PCCA: variants seen among roughly 807,000 people sequenced by gnomAD.
The protein encoded by PCCA is propionyl-CoA carboxylase alpha chain, mitochondrial.
A neutral mutation model predicts 101.3 loss-of-function variants in PCCA; 74 were observed. That is an observed-to-expected ratio of 0.73 (90% CI 0.61 to 0.89). PCCA has a LOEUF of 0.89. Ranked by LOEUF, PCCA falls within the 40% of genes least tolerant of loss-of-function variation. The probability of loss-of-function intolerance (pLI) is 0.00; values close to 1 mark genes in which losing one functional copy is unlikely to be tolerated. For synonymous variants in PCCA, 294 were observed against 313.6 expected (o/e 0.94, Z 0.66); for missense variants, 891 against 907.0 (o/e 0.98, Z 0.23).
At chr13:100,099,367 G>T (rs767249487) in intron 1 of PCCA, among the ~76,000 whole-genome samples, 1 of 149,008 alleles carries the variant, frequency 6.7e-6, no homozygotes, top group Non-Finnish European at 1.5e-5. Context: ...ACCCAGACTG[G>T]AGTGCAGTGG....
chr13:100,326,919 A>T (rs1307104179), intron 16 of PCCA, among the ~76,000 whole-genome samples: 2 of 152,102 alleles, frequency 1.3e-5, no homozygotes, highest in African/African-American at 4.8e-5. Context: ...TTTTTGTAGC[A>T]TCAAAAGTTA....
Position 100,211,271 on chromosome 13 carries a change from T to C in PCCA, c.600+1808T>C, listed in dbSNP as rs1179601714. Among the ~76,000 whole-genome samples, 5 of 152,234 alleles carry C rather than the reference T, an allele frequency of 3.3e-5. No homozygotes were observed. In the East Asian group the frequency reaches 9.6e-4, roughly 29 times the overall value. Reference sequence around the variant, plus strand: ...CACTCTACAGCTAGTTGCCACCTTCTTTCTCTCTTCCCCTTTCAGTGCCAA... The same window carrying C: ...CACTCTACAGCTAGTTGCCACCTTCCTTCTCTCTTCCCCTTTCAGTGCCAA... On this transcript the variant is annotated intron_variant, in intron 7 of 23. Coordinates refer to ENST00000376285, the MANE Select transcript of PCCA (RefSeq NM_000282.4).
At chr13:100,399,126 AAAAGAGAAACTTT>A (rs1284635158) in intron 19 of PCCA, among the ~76,000 whole-genome samples, 2 of 152,140 alleles carry the variant, frequency 1.3e-5, no homozygotes, top group African/African-American at 4.8e-5. Context: ...TGTAGAGTAT[AAAAGAGAAACTTT>A]AAACTCGTAT....
At chr13:100,193,241 A>G (rs1349681533) in intron 6 of PCCA, among the ~76,000 whole-genome samples, 1 of 152,178 alleles carries the variant, frequency 6.6e-6, no homozygotes, top group African/African-American at 2.4e-5. Context: ...TAGTCTAATG[A>G]CTGTGGGTAA....
At chr13:100,351,406 A>G (rs1227981311) in intron 18 of PCCA, among the ~76,000 whole-genome samples, 1 of 152,184 alleles carries the variant, frequency 6.6e-6, no homozygotes, top group East Asian at 1.9e-4. Flanking sequence ...TTTTGAACCC[A>G]TTATTTGATT....
intron 19 of PCCA, among the ~76,000 whole-genome samples, chr13:100,392,901 C>A (rs764767852): frequency 1.3e-5 from 2 of 151,504 alleles, no homozygotes; most frequent in African/African-American, 2.4e-5. Flanking sequence ...TTGAGTGACT[C>A]ACCCAGGGAA....
At chr13:100,135,450 A>T (rs777729048) in intron 4 of PCCA, among the ~76,000 whole-genome samples, 131 of 152,208 alleles carry the variant, frequency 8.6e-4, no homozygotes, top group Middle Eastern at 3.4e-3. Flanking sequence ...TGTTTAAAAA[A>T]TTTTGGTTTC....
intron 19 of PCCA, among the ~76,000 whole-genome samples, chr13:100,379,705 C>G (rs928498430): frequency 6.6e-6 from 1 of 152,082 alleles, no homozygotes; most frequent in Non-Finnish European, 1.5e-5. Flanking sequence ...CAGGAGAGCG[C>G]TCTTGCAGGG....
chr13:100,477,202 T>C (rs1441350900), intron 21 of PCCA: 4 of 152,360 alleles, frequency 2.6e-5, no homozygotes, highest in Admixed American at 2.6e-4. Context: ...ATCTACCTCA[T>C]TGGCGACAGT....
At chr13:100,286,496 A>C (rs2064670390) in intron 12 of PCCA, among the ~76,000 whole-genome samples, 1 of 152,206 alleles carries the variant, frequency 6.6e-6, no homozygotes, top group African/African-American at 2.4e-5. Context: ...AGGGTGGAGT[A>C]GGTAACTGAA....
chr13:100,350,555 G>T (rs1309115561), intron 18 of PCCA, among the ~76,000 whole-genome samples: 1 of 152,134 alleles, frequency 6.6e-6, no homozygotes, highest in Admixed American at 6.5e-5. Flanking sequence ...GTTGAAGATG[G>T]TTTAGAAATC....
At chr13:100,458,019 A>G (rs1595985941) in intron 21 of PCCA, among the ~76,000 whole-genome samples, 1 of 152,194 alleles carries the variant, frequency 6.6e-6, no homozygotes, top group Non-Finnish European at 1.5e-5. Flanking sequence ...ATAGTCTGGG[A>G]ACATGAAGGA....
chr13:100,513,433 T>G (rs2086624420), intron 21 of PCCA, among the ~76,000 whole-genome samples: 1 of 152,128 alleles, frequency 6.6e-6, no homozygotes, highest in South Asian at 2.1e-4. Flanking sequence ...AGGCATTGAG[T>G]TTGTGATTCT....
chr13:100,301,635 T>C (rs757432972), intron 13 of PCCA, 32 bp downstream of exon 13: 4 of 1,613,396 alleles, frequency 2.5e-6, no homozygotes, highest in African/African-American at 1.3e-5. Flanking sequence ...GGAAGGATGG[T>C]GGTTATGTCC....
chr13:100,500,533 G>T (rs2085590330), intron 21 of PCCA, among the ~76,000 whole-genome samples: 1 of 152,116 alleles, frequency 6.6e-6, no homozygotes, highest in Non-Finnish European at 1.5e-5. Flanking sequence ...CAAATATTGA[G>T]CAGTTAAGGC....
intron 21 of PCCA, among the ~76,000 whole-genome samples, chr13:100,468,315 A>G (rs1457954751): frequency 6.6e-6 from 1 of 152,200 alleles, no homozygotes; most frequent in Non-Finnish European, 1.5e-5. Flanking sequence ...TTCAACTAAA[A>G]GTCAGCAGTT....
chr13:100,392,052 C>T (rs1167581945), intron 19 of PCCA, among the ~76,000 whole-genome samples: 1 of 152,108 alleles, frequency 6.6e-6, no homozygotes, highest in Non-Finnish European at 1.5e-5. Context: ...CACTTGAGTT[C>T]TCGTGTTTAT....
At chr13:100,374,094 A>G (rs968618378) in intron 19 of PCCA, among the ~76,000 whole-genome samples, 1 of 152,186 alleles carries the variant, frequency 6.6e-6, no homozygotes, top group Admixed American at 6.6e-5. Flanking sequence ...CCTGGGTGAC[A>G]GAGTGAGACT....
chr13:100,401,769 C>G (rs2152855637), intron 19 of PCCA, among the ~76,000 whole-genome samples: 1 of 152,156 alleles, frequency 6.6e-6, no homozygotes, highest in East Asian at 1.9e-4. Context: ...GAAAAAGTGC[C>G]AATCTTATTC....
Sources: gnomAD v4.1 joint callset for allele counts (sites outside exome capture counted in the v4.1 genomes callset) on GRCh38, gnomAD v4.1.1 for gene constraint, MANE v1.5 for transcripts, NCBI Gene and HGNC (gene_info 2026-07-23, HGNC 2026-07-21) for gene names.